Variants in RALYL observed in about 807,000 individuals in gnomAD.
RALYL encodes the protein RNA-binding Raly-like protein.
A neutral mutation model predicts 35.1 loss-of-function variants in RALYL; 29 were observed. The ratio of observed to expected loss-of-function variants is 0.83; its 90% CI spans 0.61 to 1.13. The LOEUF is 1.13. RALYL is among the 50% of genes most tolerant of loss of function. The probability of loss-of-function intolerance (pLI) is 0.00; values close to 1 mark genes in which losing one functional copy is unlikely to be tolerated. For synonymous variants in RALYL, 120 were observed against 127.6 expected, an observed-to-expected ratio of 0.94 and a Z score of 0.40; for missense variants, 359 against 360.4, an observed-to-expected ratio of 1.00 and a Z score of 0.03.
intron 2 of RALYL, among the ~76,000 whole-genome samples, chr8:84,692,735 C>T (rs1039026169): frequency 6.6e-6 from 1 of 152,026 alleles, no homozygotes; most frequent in African/African-American, 2.4e-5. Context: ...AGTTCAGGAT[C>T]TGGCTGTTTT....
At chr8:84,502,710 AAAC>A (rs2056808031) in intron 1 of RALYL, among the ~76,000 whole-genome samples, 1 of 151,990 alleles carries the variant, frequency 6.6e-6, no homozygotes, top group Non-Finnish European at 1.5e-5. Context: ...TAATGAGACA[AAAC>A]AAAACAGAAA....
At chr8:84,590,757 C>T (rs1313163809) in intron 2 of RALYL, among the ~76,000 whole-genome samples, 1 of 152,106 alleles carries the variant, frequency 6.6e-6, no homozygotes, top group Admixed American at 6.6e-5. Flanking sequence ...AACTGTATAA[C>T]TATGTCGGGA....
At chr8:84,220,295 A>G (rs893992544) in intron 1 of RALYL, among the ~76,000 whole-genome samples, 1 of 152,062 alleles carries the variant, frequency 6.6e-6, no homozygotes, top group Admixed American at 6.6e-5. Context: ...GCTTTGTCAT[A>G]TATGTAAGCA....
At chr8:84,830,921 A>G (rs1830791877) in intron 4 of RALYL, among the ~76,000 whole-genome samples, 1 of 152,178 alleles carries the variant, frequency 6.6e-6, no homozygotes, top group Non-Finnish European at 1.5e-5. Context: ...TTAAGACACC[A>G]GATGCAATAC....
intron 2 of RALYL, among the ~76,000 whole-genome samples, chr8:84,665,428 G>T (rs1831809270): frequency 6.6e-6 from 1 of 151,172 alleles, no homozygotes; most frequent in African/African-American, 2.4e-5. Flanking sequence ...AGTAGTATTT[G>T]TCTGGTCCTG....
At chr8:84,598,091 G>T (rs972260979) in intron 2 of RALYL, among the ~76,000 whole-genome samples, 1 of 152,060 alleles carries the variant, frequency 6.6e-6, no homozygotes, top group African/African-American at 2.4e-5. Context: ...GCACTAGATT[G>T]TTCTGCTCTG....
intron 2 of RALYL, among the ~76,000 whole-genome samples, chr8:84,551,564 AG>A (rs2060720930): frequency 6.6e-6 from 1 of 152,174 alleles, no homozygotes; most frequent in African/African-American, 2.4e-5. Flanking sequence ...TAGAGTTGAT[AG>A]GTAAGCACAT....
intron 2 of RALYL, among the ~76,000 whole-genome samples, chr8:84,729,094 T>C (rs1845598226): frequency 6.6e-6 from 1 of 152,202 alleles, no homozygotes. Flanking sequence ...ATATTGATTC[T>C]TCCTACCCAT....
intron 2 of RALYL, among the ~76,000 whole-genome samples, chr8:84,751,929 G>A (rs538109904): frequency 2.5e-4 from 38 of 152,276 alleles, no homozygotes; most frequent in African/African-American, 8.7e-4. Context: ...TAGAAAATTG[G>A]TACTGAGAAG....
intron 2 of RALYL, among the ~76,000 whole-genome samples, chr8:84,773,184 G>A (rs527303590): frequency 1.3e-5 from 2 of 152,272 alleles, no homozygotes; most frequent in African/African-American, 4.8e-5. Context: ...CAAGCCAGGT[G>A]CAGTGTTCTT....
chr8:84,836,712 C>T (rs148510613), intron 4 of RALYL, among the ~76,000 whole-genome samples: 9 of 152,310 alleles, frequency 5.9e-5, no homozygotes, highest in African/African-American at 1.9e-4. Flanking sequence ...CCTACACCAA[C>T]ATTTTATGAT....
At chr8:84,617,554 T>G (rs1474008595) in intron 2 of RALYL, among the ~76,000 whole-genome samples, 3 of 150,116 alleles carry the variant, frequency 2.0e-5, no homozygotes, top group African/African-American at 7.5e-5. Flanking sequence ...ACAATTTGAC[T>G]TCCTCTTTTC....
chr8:84,260,310 C>G (rs73688469), intron 1 of RALYL, among the ~76,000 whole-genome samples: 1,834 of 152,200 alleles, frequency 0.012, 39 homozygotes, highest in African/African-American at 0.042. Flanking sequence ...TATTTTTTCT[C>G]ATGATGATGT....
At chr8:84,368,594 G>T (rs1225429346) in intron 1 of RALYL, among the ~76,000 whole-genome samples, 1 of 152,138 alleles carries the variant, frequency 6.6e-6, no homozygotes, top group African/African-American at 2.4e-5. Flanking sequence ...ATGGTGGAAG[G>T]TGAAAGGCAC....
At chr8:84,329,920 A>G (rs1846503039) in intron 1 of RALYL, among the ~76,000 whole-genome samples, 1 of 152,078 alleles carries the variant, frequency 6.6e-6, no homozygotes, top group Admixed American at 6.6e-5. Context: ...ATCATATTGA[A>G]TAAATCCCTT....
intron 5 of RALYL, among the ~76,000 whole-genome samples, chr8:84,852,975 C>T (rs1344687340): frequency 6.6e-6 from 1 of 152,172 alleles, no homozygotes; most frequent in Admixed American, 6.5e-5. Context: ...ATACATTTTT[C>T]TAATTACTGC....
chr8:84,889,720 C>A (rs1439114579), intron 8 of RALYL, among the ~76,000 whole-genome samples: 1 of 152,196 alleles, frequency 6.6e-6, no homozygotes. Context: ...TGAAACTTAA[C>A]ATGGCCAGAA....
intron 1 of RALYL, among the ~76,000 whole-genome samples, chr8:84,393,682 G>A (rs940520309): frequency 6.6e-6 from 1 of 152,042 alleles, no homozygotes; most frequent in African/African-American, 2.4e-5. Context: ...CTGCTACACA[G>A]AATAGTGTAT....
In RALYL at chr8:84,804,776, A is replaced by C; in HGVS notation, c.339A>C (p.Glu113Asp). The C allele has an allele frequency of 8.5e-7, 1 of 1,178,078 alleles. No homozygotes were observed. Among genetic ancestry groups the C allele is most frequent in the Non-Finnish European group, 1.1e-6 (1 of 896,608 alleles). The allele number at this position is 1,178,078 out of a possible 1,614,324, so 73.0% of individuals were successfully genotyped here. A position where few individuals can be genotyped will look rare whatever the true frequency, so the allele number is the denominator to read the frequency against. The change falls in exon 4 of 9, where the codon GAA (glutamate) becomes GAC (aspartate). Residue 113 changes from glutamate to aspartate, a missense_variant. Glu to Asp is a conservative substitution (Grantham distance 45). Transcript: ENST00000521268. ...KRPLSALYRL[E>D]SKEPFLSVGG... ...TTTTCATATTTTTTCATAGACTTGAATCAAAGGAACCTTTCCTGTCTGTTG... is the reference window on the plus strand; with the variant it reads ...TTTTCATATTTTTTCATAGACTTGACTCAAAGGAACCTTTCCTGTCTGTTG...
Sources: gnomAD v4.1 joint callset for allele counts (sites outside exome capture counted in the v4.1 genomes callset) on GRCh38, gnomAD v4.1.1 for gene constraint, MANE v1.5 for transcripts, NCBI Gene and HGNC (gene_info 2026-07-23, HGNC 2026-07-21) for gene names.